The following PARVA variants were observed in gnomAD, a reference collection of about 807,000 sequenced individuals.
PARVA encodes the protein parvin alpha.
In PARVA, 25 loss-of-function variants were observed where a neutral mutation model predicts 52.6. The ratio of observed to expected loss-of-function variants is 0.48; its 90% CI spans 0.35 to 0.66. PARVA has a LOEUF of 0.66. Among genes scored for constraint, PARVA ranks in the 30% least tolerant of loss-of-function variants. The pLI is 0.01. For synonymous variants in PARVA, 185 were observed against 179.1 expected (o/e 1.03, Z -0.26); for missense variants, 373 against 450.9 (o/e 0.83, Z 1.56).
chr11:12,534,178 AAC>A lies in PARVA; in HGVS notation c.*6255_*6256del, dbSNP rs1941808678. 6.6e-6 allele frequency among the ~76,000 whole-genome samples: 1 copy of A among 152,178 alleles called. No homozygotes were observed. The highest frequency in any genetic ancestry group is 2.4e-5 in the African/African-American group (1 of 41,438). On this transcript the variant is annotated 3_prime_UTR_variant, in exon 13 of 13. Coordinates refer to ENST00000334956, the MANE Select transcript of PARVA (RefSeq NM_018222.5). Reference sequence around the variant, plus strand: ...GCAAGACTGCGTCTCAAAAAAACAAAACAAAACAAAACAAAAATCCATGAACA... The same window carrying A: ...GCAAGACTGCGTCTCAAAAAAACAAAAAAACAAAACAAAAATCCATGAACA...
At chr11:12,421,006 C>T (rs892947387) in intron 1 of PARVA, among the ~76,000 whole-genome samples, 15 of 146,978 alleles carry the variant, frequency 1.0e-4, no homozygotes, top group Non-Finnish European at 2.1e-4. Context: ...TTTATATCAG[C>T]ATGTTAGGAC....
At chr11:12,393,974 G>T (rs538127406) in intron 1 of PARVA, among the ~76,000 whole-genome samples, 3 of 152,166 alleles carry the variant, frequency 2.0e-5, no homozygotes, top group Non-Finnish European at 4.4e-5. Flanking sequence ...CCTGGATGCT[G>T]TTGAAGTCAT....
At chr11:12,460,111 T>A (rs957907615) in intron 1 of PARVA, among the ~76,000 whole-genome samples, 1 of 152,344 alleles carries the variant, frequency 6.6e-6, no homozygotes, top group East Asian at 1.9e-4. Flanking sequence ...AATGGTGTGA[T>A]ATGTATTTTC....
intron 4 of PARVA, among the ~76,000 whole-genome samples, chr11:12,486,120 C>G (rs182870275): frequency 6.6e-6 from 1 of 152,176 alleles, no homozygotes; most frequent in Non-Finnish European, 1.5e-5. Flanking sequence ...GACATATGTA[C>G]GATAGTAATG....
At chr11:12,385,204 CTGTAG>C (rs1358341161) in intron 1 of PARVA, among the ~76,000 whole-genome samples, 9 of 152,140 alleles carry the variant, frequency 5.9e-5, no homozygotes, top group African/African-American at 2.2e-4. Flanking sequence ...TGGTGCACAC[CTGTAG>C]CCCCAGCTAC....
At position 12,504,358 on chromosome 11, in the gene PARVA, G is replaced by A. The variant is rs1393331064; in HGVS notation, c.586G>A (p.Ala196Thr). Residue 196 changes from alanine (A) to threonine (T), a missense_variant, in exon 6 of 13, where the codon GCT (alanine) becomes ACT (threonine). Ala to Thr is a moderately conservative substitution (Grantham distance 58). Coordinates refer to ENST00000334956, the MANE Select transcript of PARVA (RefSeq NM_018222.5). ...SLVAILHLLV[A>T]LSQYFRAPIR... is the part of the protein sequence containing the mutation. ...GGTGGCCATCTTACACCTGCTCGTT[G>A]CTCTGTCTCAGTATTTCCGCGCACC... 6.2e-7 allele frequency: 1 copy of A among 1,613,674 alleles called. No individual in the cohort carries two copies. Among genetic ancestry groups the A allele is most frequent in the Non-Finnish European group, 8.5e-7 (1 of 1,179,746 alleles).
intron 1 of PARVA, among the ~76,000 whole-genome samples, chr11:12,417,886 C>T (rs1043055492): frequency 6.6e-6 from 1 of 152,188 alleles, no homozygotes; most frequent in Admixed American, 6.5e-5. Flanking sequence ...CTCCCAGGGG[C>T]GAGGCATCTC....
At position 12,521,523 on chromosome 11, in the gene PARVA, T is replaced by C. The variant is rs1288056043; in HGVS notation, c.1042+3006T>C. Among the ~76,000 whole-genome samples, 2 of 152,210 alleles carry C rather than the reference T, an allele frequency of 1.3e-5. 1 individual carries two copies. The highest frequency in any genetic ancestry group is 2.9e-5 in the Non-Finnish European group (2 of 68,020). The stretch of plus-strand genomic sequence containing the variant: ...ATTTGTAATACGCTATAAAATAATG[T>C]GGTAGACACCCCCTGCCAAAATAAT... On this transcript the variant is annotated intron_variant, in intron 12 of 12. Coordinates refer to ENST00000334956, the MANE Select transcript of PARVA (RefSeq NM_018222.5).
At chr11:12,393,322 A>C (rs994602122) in intron 1 of PARVA, among the ~76,000 whole-genome samples, 2 of 152,184 alleles carry the variant, frequency 1.3e-5, no homozygotes, top group Admixed American at 1.3e-4. Context: ...TTGCCCCTTT[A>C]CAGATGAGGA....
chr11:12,444,768 A>G (rs1564848658), intron 1 of PARVA, among the ~76,000 whole-genome samples: 1 of 152,186 alleles, frequency 6.6e-6, no homozygotes, highest in South Asian at 2.1e-4. Flanking sequence ...TTATTACTAC[A>G]TAGATGAACC....
At chr11:12,407,947 A>G (rs1939938069) in intron 1 of PARVA, among the ~76,000 whole-genome samples, 1 of 152,244 alleles carries the variant, frequency 6.6e-6, no homozygotes, top group Admixed American at 6.5e-5. Context: ...GGAACCTGCG[A>G]TGAGTCCCCA....
rs143270617 is a variant in PARVA at position 12,486,872 on chromosome 11, A to T, written c.400+8923A>T. ...AAACAATAAATAAAATAAAGGAAGA[A>T]GATGAAGCTCACATTAGAGGACCAT... On this transcript the variant is annotated intron_variant, in intron 4 of 12. Transcript: ENST00000334956. Among the ~76,000 whole-genome samples the T allele has an allele frequency of 2.8e-3, 428 of 152,312 alleles. 2 individuals carry two copies. The highest frequency in any genetic ancestry group is 9.6e-3 in the African/African-American group (398 of 41,572).
At position 12,459,179 on chromosome 11, in the gene PARVA, C is replaced by A. The variant is rs142984356; in HGVS notation, c.137-14566C>A. ...TGGTGGCTTGAGCCTGTAATCCCAG[C>A]ATTTTTGGGCCCAGGGGTTCGAGAC... is the stretch of plus-strand genomic sequence containing the variant. On this transcript the variant is annotated intron_variant, in intron 1 of 12. Transcript: ENST00000334956. 8.2e-3 allele frequency among the ~76,000 whole-genome samples: 1,250 copies of A among 152,096 alleles called. 21 individuals are homozygous for A. The highest frequency in any genetic ancestry group is 0.028 in the African/African-American group (1,175 of 41,468).
At chr11:12,391,567 G>A (rs775874306) in intron 1 of PARVA, among the ~76,000 whole-genome samples, 1 of 152,160 alleles carries the variant, frequency 6.6e-6, no homozygotes, top group Non-Finnish European at 1.5e-5. Flanking sequence ...TGGTATCAAT[G>A]GGTTATCAGT....
intron 1 of PARVA, among the ~76,000 whole-genome samples, chr11:12,379,491 ATAGT>A (rs1939453998): frequency 1.3e-5 from 2 of 152,262 alleles, no homozygotes; most frequent in Non-Finnish European, 1.5e-5. Context: ...ATTGTAAAAT[ATAGT>A]TAGTTTACCA....
chr11:12,511,608 G>T (rs1342901097), intron 8 of PARVA, 75 bp downstream of exon 8: 5 of 1,477,484 alleles, frequency 3.4e-6, no homozygotes, highest in Non-Finnish European at 3.8e-6. Context: ...CAGCTGGGAG[G>T]AACAGGCTCT....
intron 12 of PARVA, among the ~76,000 whole-genome samples, chr11:12,525,229 T>C (rs2135091331): frequency 6.6e-6 from 1 of 152,294 alleles, no homozygotes; most frequent in East Asian, 1.9e-4. Flanking sequence ...GAAATAGTTG[T>C]ATGGCCATAC....
In PARVA at chr11:12,385,865, T is replaced by C. The variant is rs1026466443; in HGVS notation, c.136+8082T>C. 7.2e-5 allele frequency among the ~76,000 whole-genome samples: 11 copies of C among 152,326 alleles called. No homozygotes were observed. The East Asian group carries it at 1.9e-3, about 27-fold the overall frequency. ...TAGCACTTGGGCTGTACAAAATAGA[T>C]GGCAGCCTGCACATGACCCAAGGGC... On this transcript the variant is annotated intron_variant, in intron 1 of 12. Transcript: ENST00000334956.
chr11:12,423,182 ATT>A (rs34667589), intron 1 of PARVA, among the ~76,000 whole-genome samples: 32 of 132,856 alleles, frequency 2.4e-4, no homozygotes, highest in South Asian at 2.4e-4. Flanking sequence ...CATTAAGGAG[ATT>A]TTTTTTTTTT....
Sources: gnomAD v4.1 joint callset for allele counts (sites outside exome capture counted in the v4.1 genomes callset) on GRCh38, gnomAD v4.1.1 for gene constraint, MANE v1.5 for transcripts, NCBI Gene and HGNC (gene_info 2026-07-23, HGNC 2026-07-21) for gene names.